ARHGAP20: variants seen among roughly 807,000 people sequenced by gnomAD.
ARHGAP20 encodes the protein rho GTPase-activating protein 20.
Under a neutral mutation model 73.7 loss-of-function variants are expected in ARHGAP20, and 34 were observed. The ratio of observed to expected loss-of-function variants is 0.46; its 90% CI spans 0.35 to 0.61. The LOEUF is 0.61. ARHGAP20 is among the 20% of genes least tolerant of loss of function. ARHGAP20 has a pLI of 0.00. For synonymous variants in ARHGAP20, 523 were observed against 518.2 expected (o/e 1.01, Z -0.13); for missense variants, 1,314 against 1,420.9 (o/e 0.92, Z 1.21).
chr11:110,711,511 C>T, intron 1 of ARHGAP20: 1 of 1,121,360 alleles, frequency 8.9e-7, no homozygotes, highest in Non-Finnish European at 1.2e-6. Context: ...CTGTGACCCC[C>T]ACCTGGGAGA....
intron 1 of ARHGAP20, among the ~76,000 whole-genome samples, chr11:110,698,326 AT>A (rs1591187876): frequency 6.6e-6 from 1 of 151,806 alleles, no homozygotes; most frequent in African/African-American, 2.4e-5. Flanking sequence ...GTTTGCTAGT[AT>A]TTTGTGGAGG....
At chr11:110,619,966 T>A (rs556071765) in intron 4 of ARHGAP20, among the ~76,000 whole-genome samples, 1 of 151,506 alleles carries the variant, frequency 6.6e-6, no homozygotes, top group Admixed American at 6.6e-5. Context: ...AATTGGGAGG[T>A]TTTCAAAGAT....
chr11:110,634,312 T>G (rs913054805), intron 2 of ARHGAP20, among the ~76,000 whole-genome samples: 2 of 152,060 alleles, frequency 1.3e-5, no homozygotes, highest in Non-Finnish European at 2.9e-5. Context: ...AGAAGGTGAC[T>G]TTAAGGATTC....
At chr11:110,696,796 T>C (rs1410231882) in intron 1 of ARHGAP20, among the ~76,000 whole-genome samples, 1 of 151,780 alleles carries the variant, frequency 6.6e-6, no homozygotes, top group Non-Finnish European at 1.5e-5. Flanking sequence ...CATTGTTAGA[T>C]CCCACTTATT....
At chr11:110,624,431 A>T in intron 3 of ARHGAP20, 120 bp from the exon 4 acceptor site, 1 of 664,856 alleles carries the variant, frequency 1.5e-6, no homozygotes, top group Non-Finnish European at 2.3e-6. Flanking sequence ...CAAATACTGC[A>T]TGTTCTCACT....
At chr11:110,683,285 A>C (rs544090760) in intron 2 of ARHGAP20, among the ~76,000 whole-genome samples, 1 of 152,272 alleles carries the variant, frequency 6.6e-6, no homozygotes, top group South Asian at 2.1e-4. Context: ...AACCATATAC[A>C]TGAGCACTTG....
intron 2 of ARHGAP20, among the ~76,000 whole-genome samples, chr11:110,654,726 T>C (rs1325055382): frequency 2.0e-5 from 3 of 152,216 alleles, no homozygotes; most frequent in Non-Finnish European, 2.9e-5. Flanking sequence ...TTTATTGCAA[T>C]GCTATAAGGT....
At chr11:110,646,517 A>T (rs1000488821) in intron 2 of ARHGAP20, among the ~76,000 whole-genome samples, 5 of 152,160 alleles carry the variant, frequency 3.3e-5, no homozygotes, top group Non-Finnish European at 7.4e-5. Flanking sequence ...ATAAATTTTG[A>T]GCACATTCCT....
chr11:110,611,965 TG>T (rs1948376429), intron 6 of ARHGAP20, among the ~76,000 whole-genome samples: 1 of 152,186 alleles, frequency 6.6e-6, no homozygotes, highest in Non-Finnish European at 1.5e-5. Context: ...AGATTTTAAT[TG>T]TTGAAATCTT....
At chr11:110,650,439 G>T (rs910225567) in intron 2 of ARHGAP20, among the ~76,000 whole-genome samples, 2 of 152,098 alleles carry the variant, frequency 1.3e-5, no homozygotes, top group African/African-American at 4.8e-5. Context: ...GGGAAAGGGA[G>T]GTTTTTCTTT....
chr11:110,625,671 T>C (rs1019037687), intron 3 of ARHGAP20, among the ~76,000 whole-genome samples: 2 of 151,914 alleles, frequency 1.3e-5, no homozygotes, highest in Non-Finnish European at 2.9e-5. Context: ...AGACAATTTC[T>C]ACCTAATCCC....
rs139035231 is a variant in ARHGAP20 at position 110,645,198 on chromosome 11, C to T, written c.189-14406G>A. Among the ~76,000 whole-genome samples, 1,174 of 151,970 alleles carry T rather than the reference C, an allele frequency of 7.7e-3. 8 individuals carry two copies. The highest frequency in any genetic ancestry group is 0.014 in the Non-Finnish European group (955 of 67,942). ...CTAATTTTTGTATTTTTAGTAGAGA[C>T]GGGGTTTCACCATGTTGGCCAGGCT... On this transcript the variant is annotated intron_variant, in intron 2 of 14. Coordinates refer to ENST00000683387, the MANE Select transcript of ARHGAP20 (RefSeq NM_001384657.1).
chr11:110,706,591 A>C (rs895626135), intron 1 of ARHGAP20, among the ~76,000 whole-genome samples: 1 of 152,110 alleles, frequency 6.6e-6, no homozygotes, highest in Non-Finnish European at 1.5e-5. Flanking sequence ...TTGTTGCTTT[A>C]CACCTACTCT....
intron 8 of ARHGAP20, among the ~76,000 whole-genome samples, chr11:110,607,955 GCTCATTGA>G (rs1462281158): frequency 2.0e-5 from 3 of 152,004 alleles, no homozygotes; most frequent in African/African-American, 7.2e-5. Flanking sequence ...TAACTTTATT[GCTCATTGA>G]CTATTACAAA....
At chr11:110,589,367 T>A in intron 11 of ARHGAP20, 1 of 980,586 alleles carries the variant, frequency 1.0e-6, no homozygotes, top group Non-Finnish European at 1.2e-6. Context: ...TATGGCTTAT[T>A]TATCCAGAAA....
At chr11:110,695,569 T>C (rs1009808494) in intron 1 of ARHGAP20, among the ~76,000 whole-genome samples, 6 of 151,626 alleles carry the variant, frequency 4.0e-5, no homozygotes, top group African/African-American at 1.4e-4. Context: ...CCAATAAGGA[T>C]ATGAGAAAAT....
chr11:110,643,526 C>T (rs568818472), intron 2 of ARHGAP20, among the ~76,000 whole-genome samples: 1 of 152,078 alleles, frequency 6.6e-6, no homozygotes, highest in South Asian at 2.1e-4. Flanking sequence ...GTTGTTTAAC[C>T]AAAAGTCCTT....
At chr11:110,711,053 G>A (rs1224199100) in intron 1 of ARHGAP20, among the ~76,000 whole-genome samples, 1 of 150,594 alleles carries the variant, frequency 6.6e-6, no homozygotes. Flanking sequence ...TGCTGGAAGC[G>A]GGGGTGGGGA....
chr11:110,583,785 C>T (rs746987535), intron 12 of ARHGAP20, 48 bp from the exon 13 acceptor site: 1 of 1,428,356 alleles, frequency 7.0e-7, no homozygotes, highest in Admixed American at 2.5e-5. Context: ...CATTCAAAAA[C>T]TTGTAAAGAC....
Sources: allele counts gnomAD v4.1 joint callset (sites outside exome capture counted in the v4.1 genomes callset), GRCh38; gene constraint gnomAD v4.1.1; transcripts MANE v1.5; gene names NCBI Gene and HGNC (gene_info 2026-07-23, HGNC 2026-07-21).